PDS5B: variants seen among roughly 807,000 people sequenced by gnomAD.
PDS5B encodes PDS5 cohesin associated factor B.
PDS5B carries 51 observed loss-of-function variants against 184.1 expected under a neutral mutation model. That is an observed-to-expected ratio of 0.28 (90% CI 0.22 to 0.35). The LOEUF is 0.35. Among genes scored for constraint, PDS5B ranks in the 10% least tolerant of loss-of-function variants. The pLI, the probability that PDS5B is intolerant of heterozygous loss-of-function variation, is 1.00. For synonymous variants in PDS5B, 566 were observed against 569.2 expected (o/e 0.99, Z 0.08); for missense variants, 1,180 against 1,723.3 (o/e 0.68, Z 5.58).
intron 1 of PDS5B, among the ~76,000 whole-genome samples, chr13:32,597,560 C>G (rs2057896733): frequency 6.6e-6 from 1 of 151,242 alleles, no homozygotes; most frequent in Non-Finnish European, 1.5e-5. Context: ...GCGCAGTGGC[C>G]CATGCCTGTA....
At chr13:32,722,739 A>T (rs1341880955) in intron 19 of PDS5B, among the ~76,000 whole-genome samples, 1 of 152,256 alleles carries the variant, frequency 6.6e-6, no homozygotes, top group East Asian at 1.9e-4. Flanking sequence ...TGGTGGAAGC[A>T]GCTACTACCT....
intron 1 of PDS5B, among the ~76,000 whole-genome samples, chr13:32,587,362 A>C (rs990437121): frequency 1.3e-5 from 2 of 152,216 alleles, no homozygotes; most frequent in African/African-American, 2.4e-5. Flanking sequence ...CTCCCAGGCC[A>C]CAACTGGGTT....
At chr13:32,661,012 TGAAAG>T (rs1156388164) in intron 6 of PDS5B, among the ~76,000 whole-genome samples, 1 of 151,940 alleles carries the variant, frequency 6.6e-6, no homozygotes, top group Non-Finnish European at 1.5e-5. Flanking sequence ...TAAATACTCT[TGAAAG>T]GAGTAATGAT....
chr13:32,610,353 C>T (rs2058122543), intron 1 of PDS5B, among the ~76,000 whole-genome samples: 1 of 152,146 alleles, frequency 6.6e-6, no homozygotes, highest in Non-Finnish European at 1.5e-5. Context: ...CTCTGAAAGA[C>T]AATTTTGAGG....
At chr13:32,588,369 A>G (rs1247639052) in intron 1 of PDS5B, among the ~76,000 whole-genome samples, 2 of 152,236 alleles carry the variant, frequency 1.3e-5, no homozygotes, top group Admixed American at 6.5e-5. Context: ...TTATAAATAA[A>G]ATTTGTACTT....
intron 1 of PDS5B, among the ~76,000 whole-genome samples, chr13:32,636,271 C>T (rs888572155): frequency 1.3e-5 from 2 of 152,142 alleles, no homozygotes; most frequent in South Asian, 2.1e-4. Context: ...AAAATGTGTG[C>T]ATGAAAGAGC....
chr13:32,696,981 T>C (rs1018592760), intron 15 of PDS5B, 79 bp downstream of exon 15: 3 of 835,302 alleles, frequency 3.6e-6, no homozygotes, highest in African/African-American at 3.5e-5. Context: ...TCATGCAGTT[T>C]TGTTATAGGC....
chr13:32,598,122 C>G (rs1229516877), intron 1 of PDS5B, among the ~76,000 whole-genome samples: 1 of 152,038 alleles, frequency 6.6e-6, no homozygotes, highest in African/African-American at 2.4e-5. Flanking sequence ...GTCACCTAGG[C>G]TGGGGTGCAG....
chr13:32,634,948 A>G (rs1419794960), intron 1 of PDS5B, among the ~76,000 whole-genome samples: 1 of 151,846 alleles, frequency 6.6e-6, no homozygotes, highest in East Asian at 1.9e-4. Flanking sequence ...ACATTCCCAT[A>G]AAATATGAGG....
intron 17 of PDS5B, among the ~76,000 whole-genome samples, chr13:32,706,346 A>G (rs1170603036): frequency 4.6e-5 from 7 of 151,910 alleles, no homozygotes; most frequent in Admixed American, 4.6e-4. Flanking sequence ...GCTTGTTTTT[A>G]TTAGAAGAAA....
chr13:32,717,148 TGAG>T (rs1420017162), intron 19 of PDS5B, among the ~76,000 whole-genome samples: 4 of 152,232 alleles, frequency 2.6e-5, no homozygotes, highest in Non-Finnish European at 5.9e-5. Flanking sequence ...TACTGGGAAG[TGAG>T]GAGCCCCTCT....
intron 1 of PDS5B, among the ~76,000 whole-genome samples, chr13:32,603,848 T>A (rs1005597831): frequency 6.6e-6 from 1 of 152,192 alleles, no homozygotes; most frequent in Non-Finnish European, 1.5e-5. Context: ...TTGAAGCAAT[T>A]GTGAATGGGA....
At chr13:32,598,362 C>A (rs554009065) in intron 1 of PDS5B, among the ~76,000 whole-genome samples, 1 of 151,986 alleles carries the variant, frequency 6.6e-6, no homozygotes, top group Non-Finnish European at 1.5e-5. Context: ...CGTGAGCCAC[C>A]GCGCCTGGCC....
intron 1 of PDS5B, among the ~76,000 whole-genome samples, chr13:32,645,709 T>G (rs545281612): frequency 6.6e-6 from 1 of 152,334 alleles, no homozygotes; most frequent in South Asian, 2.1e-4. Context: ...ATCTGTTTTG[T>G]TAAGCTTTTT....
At chr13:32,770,794 T>G (rs1300895726) in intron 33 of PDS5B, 33 bp downstream of exon 33, 2 of 1,500,296 alleles carry the variant, frequency 1.3e-6, no homozygotes, top group Non-Finnish European at 1.8e-6. Flanking sequence ...CAAACCAATT[T>G]CAAATTATTT....
intron 8 of PDS5B, among the ~76,000 whole-genome samples, chr13:32,674,251 C>A (rs1006154566): frequency 1.3e-5 from 2 of 152,150 alleles, no homozygotes; most frequent in African/African-American, 4.8e-5. Context: ...AATTATTAAT[C>A]TTTGTGGACC....
At chr13:32,735,127 G>C (rs749859937) in intron 20 of PDS5B, 45 bp from the exon 21 acceptor site, 1 of 1,202,154 alleles carries the variant, frequency 8.3e-7, no homozygotes, top group Non-Finnish European at 1.1e-6. Context: ...CAGTTTATTT[G>C]TATATGTGTA....
chr13:32,646,369 G>GTTT lies in PDS5B; in HGVS notation c.-19-2364_-19-2362dup, dbSNP rs58539534. Reference sequence around the variant, plus strand: ...CAATGATTTATTCTCTCATGGCTGTGTTTTTTTTTTTTTTTTTTTTTTTGC... The same window carrying GTTT: ...CAATGATTTATTCTCTCATGGCTGTGTTTTTTTTTTTTTTTTTTTTTTTTTTGC... On this transcript the variant is annotated intron_variant, in intron 1 of 34. Transcript: ENST00000315596. Among the ~76,000 whole-genome samples the GTTT allele has an allele frequency of 8.3e-3, 877 of 105,646 alleles. 17 individuals carry two copies. Among genetic ancestry groups the GTTT allele is most frequent in the East Asian group, 0.017 (48 of 2,746 alleles). The allele number at this position is 105,646 out of a possible 152,430, so 69.3% of individuals were successfully genotyped here. A position where few individuals can be genotyped will look rare whatever the true frequency, so the allele number is the denominator to read the frequency against.
chr13:32,615,490 C>A (rs2058204557), intron 1 of PDS5B, among the ~76,000 whole-genome samples: 1 of 152,144 alleles, frequency 6.6e-6, no homozygotes, highest in Non-Finnish European at 1.5e-5. Flanking sequence ...TGTATTGAAT[C>A]ATCAAGAATA....
Sources: allele counts gnomAD v4.1 joint callset (sites outside exome capture counted in the v4.1 genomes callset), GRCh38; gene constraint gnomAD v4.1.1; transcripts MANE v1.5; gene names NCBI Gene and HGNC (gene_info 2026-07-23, HGNC 2026-07-21).